LMO1: variants seen among roughly 807,000 people sequenced by gnomAD.
LMO1 encodes rhombotin-1.
A neutral mutation model predicts 18.0 loss-of-function variants in LMO1; 10 were observed. The observed-to-expected ratio is 0.55, with a 90% CI of 0.34 to 0.94. LMO1 has a LOEUF of 0.94. LMO1 is among the 40% of genes least tolerant of loss of function. The pLI, the probability that LMO1 is intolerant of heterozygous loss-of-function variation, is 0.02. For synonymous variants in LMO1, 77 were observed against 77.9 expected, an observed-to-expected ratio of 0.99 and a Z score of 0.06; for missense variants, 183 against 205.7, an observed-to-expected ratio of 0.89 and a Z score of 0.68.
chr11:8,252,820 G>A (rs555471412), intron 1 of LMO1, among the ~76,000 whole-genome samples: 11 of 152,356 alleles, frequency 7.2e-5, no homozygotes, highest in East Asian at 5.8e-4. Flanking sequence ...GAGAAATCCC[G>A]GAGCAGAGAA....
rs900718034 is a variant in LMO1, at chr11:8,224,549, C to T, written c.*67G>A. 8 of 976,300 alleles carry T rather than the reference C, an allele frequency of 8.2e-6. No homozygotes were observed. Among genetic ancestry groups the T allele is most frequent in the Non-Finnish European group, 1.1e-5 (7 of 638,130 alleles). 60.5% of individuals were successfully genotyped at this position (976,300 alleles called of 1,614,324 possible). ...CAGCCTGCACTGGTAGAGTGGCTGGCTGGCCGGCCAGGCAGGTGGGCAGGC... is the reference window on the plus strand; with the variant it reads ...CAGCCTGCACTGGTAGAGTGGCTGGTTGGCCGGCCAGGCAGGTGGGCAGGC... On this transcript the variant is annotated 3_prime_UTR_variant, in exon 4 of 4. Coordinates refer to ENST00000335790, the MANE Select transcript of LMO1 (RefSeq NM_002315.3).
intron 1 of LMO1, among the ~76,000 whole-genome samples, chr11:8,238,793 TTGATA>T (rs1952806270): frequency 6.6e-6 from 1 of 152,120 alleles, no homozygotes; most frequent in Admixed American, 6.6e-5. Context: ...GATCTGAGTG[TTGATA>T]TGGGTGCATA....
chr11:8,238,800 G>T (rs1192705140), intron 1 of LMO1, among the ~76,000 whole-genome samples: 1 of 152,006 alleles, frequency 6.6e-6, no homozygotes, highest in Non-Finnish European at 1.5e-5. Context: ...GTGTTGATAT[G>T]GGTGCATACC....
At chr11:8,264,002 T>TGG, upstream of LMO1, 2 of 349,276 alleles carry the variant, frequency 5.7e-6, no homozygotes, top group Non-Finnish European at 8.4e-6. Flanking sequence ...GGCTTCTAGG[T>TGG]CCTAGCTCGG....
chr11:8,238,782 T>G (rs1169381200), intron 1 of LMO1, among the ~76,000 whole-genome samples: 1 of 152,078 alleles, frequency 6.6e-6, no homozygotes, highest in Non-Finnish European at 1.5e-5. Flanking sequence ...TCCTATGTCT[T>G]GATCTGAGTG....
chr11:8,263,304 G>T (rs773398466), intron 1 of LMO1, 34 bp downstream of exon 1: 20 of 1,590,874 alleles, frequency 1.3e-5, no homozygotes, highest in Non-Finnish European at 1.7e-5. Context: ...GGGCGAGGGG[G>T]TGAGGGGCGT....
chr11:8,230,514 G>T lies in LMO1; in HGVS notation c.26-10C>A, dbSNP rs1436286107. ...GAGAGCATCGGCACGCCTGCAGACG[G>T]ACAGACAGACAGCAACGCAGGATGG... On this transcript the variant is annotated splice_polypyrimidine_tract_variant and intron_variant, in intron 1 of 3. Coordinates refer to ENST00000335790, the MANE Select transcript of LMO1 (RefSeq NM_002315.3). 2.5e-6 allele frequency: 4 copies of T among 1,608,444 alleles called. No homozygotes were observed. The highest frequency in any genetic ancestry group is 2.5e-6 in the Non-Finnish European group (3 of 1,179,466).
At chr11:8,261,313 G>A (rs1370689528) in intron 1 of LMO1, among the ~76,000 whole-genome samples, 1 of 152,164 alleles carries the variant, frequency 6.6e-6, no homozygotes, top group Non-Finnish European at 1.5e-5. Flanking sequence ...AGAAACATCT[G>A]CCCAGGGTGC....
At chr11:8,265,416 G>C (rs962951427), upstream of LMO1, among the ~76,000 whole-genome samples, 1 of 152,140 alleles carries the variant, frequency 6.6e-6, no homozygotes, top group Non-Finnish European at 1.5e-5. Context: ...GGGGAGCAGC[G>C]GGCTGCAGCC....
intron 1 of LMO1, among the ~76,000 whole-genome samples, chr11:8,257,705 G>C (rs1002139906): frequency 7.2e-5 from 11 of 152,244 alleles, no homozygotes; most frequent in Admixed American, 5.2e-4. Context: ...AGTGGTCCTA[G>C]AGACCTCTTC....
intron 1 of LMO1, among the ~76,000 whole-genome samples, chr11:8,243,786 G>A (rs442137): frequency 1.3e-5 from 2 of 152,176 alleles, no homozygotes; most frequent in African/African-American, 4.8e-5. Flanking sequence ...AGGGCCCCAG[G>A]CCCACAGTAG....
At chr11:8,233,012 T>C (rs1402762416) in intron 1 of LMO1, among the ~76,000 whole-genome samples, 3 of 152,210 alleles carry the variant, frequency 2.0e-5, no homozygotes, top group African/African-American at 7.2e-5. Flanking sequence ...GTGGAAGCCA[T>C]GAGGGGTGAA....
In LMO1 at chr11:8,263,408, G is replaced by A. The variant is rs755146334; in HGVS notation, c.-46C>T. 1.1e-5 allele frequency: 17 copies of A among 1,594,126 alleles called. No homozygotes were observed. Among genetic ancestry groups the A allele is most frequent in the African/African-American group, 1.4e-5 (1 of 73,940 alleles). On this transcript the variant is annotated 5_prime_UTR_variant, in exon 1 of 4. Transcript: ENST00000335790. The stretch of plus-strand genomic sequence containing the variant: ...CCGCAGCTAGGCTCGGCCGGGAGAA[G>A]GGCGCCGACTCGGGGCGCGCTTTGG...
intron 1 of LMO1, among the ~76,000 whole-genome samples, chr11:8,248,652 T>C (rs1565184292): frequency 6.6e-6 from 1 of 152,216 alleles, no homozygotes; most frequent in Non-Finnish European, 1.5e-5. Context: ...AGGGAGACCG[T>C]GAGCCACGCC....
intron 2 of LMO1, among the ~76,000 whole-genome samples, chr11:8,229,751 C>G (rs1485927153): frequency 1.3e-5 from 2 of 152,338 alleles, no homozygotes; most frequent in Non-Finnish European, 2.9e-5. Context: ...CAACCCAGGT[C>G]TTGAAGCTCC....
upstream of LMO1, among the ~76,000 whole-genome samples, chr11:8,264,910 C>T (rs898581805): frequency 2.0e-5 from 3 of 152,132 alleles, no homozygotes; most frequent in South Asian, 2.1e-4. Flanking sequence ...GGATTACAGG[C>T]GTGAGCTGCT....
chr11:8,241,374 G>A (rs1232587528), intron 1 of LMO1, among the ~76,000 whole-genome samples: 1 of 152,244 alleles, frequency 6.6e-6, no homozygotes, highest in African/African-American at 2.4e-5. Flanking sequence ...TCACACGGCA[G>A]CTGGAGAGAT....
At position 8,234,743 on chromosome 11, in the gene LMO1, C is replaced by T. The variant is rs77250063; in HGVS notation, c.26-4239G>A. On this transcript the variant is annotated intron_variant, in intron 1 of 3. Coordinates refer to ENST00000335790, the MANE Select transcript of LMO1 (RefSeq NM_002315.3). The stretch of plus-strand genomic sequence containing the variant: ...TCCTGCTTGGCACTGCTGGCTCTGC[C>T]CCCTGCAGGATCCTGGAACACAGCT... Among the ~76,000 whole-genome samples the T allele has an allele frequency of 7.6e-3, 1,150 of 152,256 alleles. 8 individuals are homozygous for T. The highest frequency in any genetic ancestry group is 0.026 in the African/African-American group (1,098 of 41,534).
intron 1 of LMO1, among the ~76,000 whole-genome samples, chr11:8,252,379 C>G (rs111796449): frequency 1.9e-3 from 296 of 152,270 alleles, no homozygotes; most frequent in South Asian, 0.014. Flanking sequence ...TCTCTGGAGG[C>G]AGCTGCTATT....
Sources: gnomAD v4.1 joint callset for allele counts (sites outside exome capture counted in the v4.1 genomes callset) on GRCh38, gnomAD v4.1.1 for gene constraint, MANE v1.5 for transcripts, NCBI Gene and HGNC (gene_info 2026-07-23, HGNC 2026-07-21) for gene names.